The following NKAIN3 variants were observed in gnomAD, a reference collection of about 807,000 sequenced individuals.
NKAIN3 encodes sodium/potassium transporting ATPase interacting 3.
A neutral mutation model predicts 30.2 loss-of-function variants in NKAIN3; 25 were observed. The ratio of observed to expected loss-of-function variants is 0.83; its 90% CI spans 0.60 to 1.16. NKAIN3 has a LOEUF of 1.16. Among genes scored for constraint, NKAIN3 ranks in the 50% most tolerant of loss-of-function variants. The pLI, the probability that NKAIN3 is intolerant of heterozygous loss-of-function variation, is 0.00. For missense variants in NKAIN3, 225 were observed against 254.1 expected (o/e 0.89, Z 0.78); for synonymous variants, 91 against 89.6 (o/e 1.02, Z -0.09).
intron 4 of NKAIN3, among the ~76,000 whole-genome samples, chr8:62,749,117 T>C (rs1788067439): frequency 6.6e-6 from 1 of 152,160 alleles, no homozygotes; most frequent in South Asian, 2.1e-4. Context: ...CTTTCATATG[T>C]GGACAGATTA....
At chr8:62,531,530 A>G (rs1808491221) in intron 1 of NKAIN3, among the ~76,000 whole-genome samples, 1 of 152,120 alleles carries the variant, frequency 6.6e-6, no homozygotes, top group Admixed American at 6.6e-5. Context: ...AAAACTCACA[A>G]TTGCAGCACT....
chr8:62,919,942 A>T (rs1022911367), intron 5 of NKAIN3, among the ~76,000 whole-genome samples: 2 of 152,010 alleles, frequency 1.3e-5, no homozygotes, highest in African/African-American at 4.8e-5. Context: ...AAGTCAAAAA[A>T]TTTCTGTCAC....
At chr8:62,710,856 G>T (rs1237629481) in intron 3 of NKAIN3, among the ~76,000 whole-genome samples, 1 of 151,998 alleles carries the variant, frequency 6.6e-6, no homozygotes, top group Non-Finnish European at 1.5e-5. Context: ...ATGCTTTAAA[G>T]AGGTTCTGTT....
At chr8:62,371,344 T>C (rs540911443) in intron 1 of NKAIN3, among the ~76,000 whole-genome samples, 7 of 151,976 alleles carry the variant, frequency 4.6e-5, no homozygotes, top group African/African-American at 1.7e-4. Flanking sequence ...AACTAGTTTT[T>C]ATATGCATAG....
intron 4 of NKAIN3, among the ~76,000 whole-genome samples, chr8:62,764,980 C>T (rs1052198045): frequency 1.3e-5 from 2 of 152,024 alleles, no homozygotes; most frequent in Non-Finnish European, 2.9e-5. Context: ...CGTGGTGGCT[C>T]ACGCCTGTAG....
intron 4 of NKAIN3, among the ~76,000 whole-genome samples, chr8:62,851,581 T>C (rs1424996458): frequency 6.6e-6 from 1 of 152,196 alleles, no homozygotes; most frequent in Non-Finnish European, 1.5e-5. Flanking sequence ...CAATATGATA[T>C]TGGCTGTGGG....
At chr8:62,792,916 G>A (rs1191817294) in intron 4 of NKAIN3, among the ~76,000 whole-genome samples, 2 of 152,126 alleles carry the variant, frequency 1.3e-5, no homozygotes, top group Non-Finnish European at 2.9e-5. Context: ...CAAAAAGGTA[G>A]GTGGGTACTA....
chr8:62,862,297 T>TAA (rs139190194), intron 4 of NKAIN3, among the ~76,000 whole-genome samples: 5 of 147,590 alleles, frequency 3.4e-5, no homozygotes, highest in Non-Finnish European at 3.0e-5. Flanking sequence ...AGTAGTAATT[T>TAA]AAAAAAAAAA....
rs117994985 is a variant in NKAIN3, at chr8:62,727,903, G to A, written c.274-19029G>A. ...AGGTGTAATTTATATACTATAAAAA[G>A]TACCCATGTAAGTGTACGGTTGGAT... On this transcript the variant is annotated intron_variant, in intron 3 of 6. Transcript: ENST00000623646. Among the ~76,000 whole-genome samples the A allele has an allele frequency of 1.5e-3, 224 of 152,152 alleles. 2 individuals are homozygous for A. In the East Asian group the frequency reaches 0.036, roughly 25 times the overall value.
intron 4 of NKAIN3, among the ~76,000 whole-genome samples, chr8:62,793,508 C>G (rs1166627854): frequency 1.3e-5 from 2 of 151,986 alleles, no homozygotes; most frequent in Non-Finnish European, 1.5e-5. Context: ...CTTTTTTTTA[C>G]TAGGCTGTGG....
chr8:62,850,870 A>G (rs536315422), intron 4 of NKAIN3, among the ~76,000 whole-genome samples: 2 of 152,170 alleles, frequency 1.3e-5, no homozygotes, highest in South Asian at 2.1e-4. Flanking sequence ...CTTGTAGTAT[A>G]GTTTGAAGTC....
intron 1 of NKAIN3, among the ~76,000 whole-genome samples, chr8:62,318,208 A>G (rs953433962): frequency 1.3e-5 from 2 of 152,186 alleles, no homozygotes; most frequent in African/African-American, 4.8e-5. Context: ...TAGATATGCA[A>G]TCATGTCATC....
chr8:62,997,262 A>G (rs1340217565), intron 5 of NKAIN3, among the ~76,000 whole-genome samples: 1 of 152,240 alleles, frequency 6.6e-6, no homozygotes, highest in Non-Finnish European at 1.5e-5. Context: ...TAAAATTTGT[A>G]AATTGTAGAT....
At chr8:62,867,702 A>G (rs931648742) in intron 4 of NKAIN3, among the ~76,000 whole-genome samples, 1 of 152,244 alleles carries the variant, frequency 6.6e-6, no homozygotes, top group Non-Finnish European at 1.5e-5. Flanking sequence ...GCCCAGTAGC[A>G]GAAACATTAG....
At chr8:62,743,175 T>C (rs541874753) in intron 3 of NKAIN3, among the ~76,000 whole-genome samples, 1 of 152,334 alleles carries the variant, frequency 6.6e-6, no homozygotes, top group Admixed American at 6.5e-5. Flanking sequence ...ATGTGGTAAC[T>C]AAAAGCTTCA....
chr8:62,523,422 G>T (rs1480660011), intron 1 of NKAIN3, among the ~76,000 whole-genome samples: 1 of 152,120 alleles, frequency 6.6e-6, no homozygotes. Flanking sequence ...TAATAACACA[G>T]TGAGCAAGTT....
chr8:62,431,194 G>T (rs1563396074), intron 1 of NKAIN3, among the ~76,000 whole-genome samples: 1 of 151,670 alleles, frequency 6.6e-6, no homozygotes, highest in African/African-American at 2.4e-5. Context: ...ATATCTTGTT[G>T]GATTTCTTTT....
At chr8:62,731,926 T>C (rs1487885017) in intron 3 of NKAIN3, among the ~76,000 whole-genome samples, 1 of 152,024 alleles carries the variant, frequency 6.6e-6, no homozygotes, top group Non-Finnish European at 1.5e-5. Flanking sequence ...CTACGAACAA[T>C]GTAACTCCAG....
intron 3 of NKAIN3, among the ~76,000 whole-genome samples, chr8:62,679,615 G>A (rs2130413158): frequency 1.3e-5 from 2 of 152,256 alleles, no homozygotes; most frequent in Middle Eastern, 6.8e-3. Flanking sequence ...AGGAAATTTG[G>A]AATCATGACA....
Sources: gnomAD v4.1 joint callset for allele counts (sites outside exome capture counted in the v4.1 genomes callset) on GRCh38, gnomAD v4.1.1 for gene constraint, MANE v1.5 for transcripts, NCBI Gene and HGNC (gene_info 2026-07-23, HGNC 2026-07-21) for gene names.